SAMD9: variants seen among roughly 807,000 people sequenced by gnomAD.
The protein encoded by SAMD9 is sterile alpha motif domain-containing protein 9.
SAMD9 carries 3 observed loss-of-function variants against 1.5 expected under a neutral mutation model. That is an observed-to-expected ratio of 2.05 (90% CI 0.93 to 5.29). The LOEUF is 5.29. SAMD9 is among the 30% of genes most tolerant of loss of function. The pLI is 0.02. For missense variants in SAMD9, 1,597 were observed against 1,820.8 expected (o/e 0.88, Z 2.24); for synonymous variants, 635 against 631.9 (o/e 1.00, Z -0.07).
Position 93,104,784 on chromosome 7 carries a change from A to C in SAMD9, c.1314T>G (p.Ala438=). ...TAGACTCAGGATCAAACTCCAATACAGCAAACCATTTAATTTCCTTCAGGA... is the reference window on the plus strand; with the variant it reads ...TAGACTCAGGATCAAACTCCAATACCGCAAACCATTTAATTTCCTTCAGGA... The part of the protein sequence containing the change: ...LDFLKEIKWF[A]VLEFDPESNI... The change falls in exon 3 of 3, where the codon GCT becomes GCG. Residue 438 remains alanine (A), a synonymous_variant. Transcript: ENST00000379958. 6.2e-7 allele frequency: 1 copy of C among 1,613,752 alleles called. No individual in the cohort carries two copies. The highest frequency in any genetic ancestry group is 1.3e-5 in the African/African-American group (1 of 75,046).
At position 93,102,391 on chromosome 7, in the gene SAMD9, C is replaced by A. The variant is rs781751533; in HGVS notation, c.3707G>T (p.Ser1236Ile). ...ATTGTTTGGATCCCCTGGAATATCA[C>A]TACTTCCTGATACAAAATTGACCAT... ...RYMVNFVSGS[S>I]DIPGDPNNEY... The change falls in exon 3 of 3, where the codon AGT becomes ATT. Residue 1236 changes from serine to isoleucine, a missense_variant. By Grantham distance (142) the Ser-to-Ile change is moderately radical. Transcript: ENST00000379958. 2.6e-5 allele frequency: 42 copies of A among 1,609,688 alleles called. No homozygotes were observed. Among genetic ancestry groups the A allele is most frequent in the Non-Finnish European group, 2.7e-5 (32 of 1,176,302 alleles).
rs1791551431 is a variant in SAMD9 at position 93,102,522 on chromosome 7, G to C, written c.3576C>G (p.Tyr1192Ter). The change falls in exon 3 of 3, where the codon TAC becomes TAG. Residue 1192 changes from tyrosine (Y) to a stop codon, truncating the protein, a stop_gained. Coordinates refer to ENST00000379958, the MANE Select transcript of SAMD9 (RefSeq NM_017654.4). LOFTEE classifies it low-confidence loss of function (END_TRUNC). Reference protein sequence around the residue: ...YPKSKRRYDTYNIAGYQGEIE... With the variant: ...YPKSKRRYDT ...TCTCTCCTTGATAACCAGCTATATT[G>C]TAAGTATCATACCGCCTTTTTGACT... 1 of 1,613,648 alleles carries C rather than the reference G, an allele frequency of 6.2e-7. No individual in the cohort carries two copies. Among genetic ancestry groups the C allele is most frequent in the Non-Finnish European group, 8.5e-7 (1 of 1,179,658 alleles).
intron 2 of SAMD9, among the ~76,000 whole-genome samples, chr7:93,114,310 G>C (rs1039458675): frequency 8.3e-6 from 1 of 120,782 alleles, no homozygotes; most frequent in South Asian, 3.3e-4. Context: ...TGGGGTGGGG[G>C]AGGGGGGAGG....
chr7:93,110,205 C>A (rs1052620750), intron 2 of SAMD9, among the ~76,000 whole-genome samples: 1 of 152,126 alleles, frequency 6.6e-6, no homozygotes, highest in African/African-American at 2.4e-5. Context: ...TCCAGCCAAA[C>A]TAAGCTTCAT....
At position 93,104,651 on chromosome 7, in the gene SAMD9, G is replaced by A; in HGVS notation, c.1447C>T (p.Leu483=). ...CAGCTGGGTTGATGGTAAAGATTTAGAGTAGAAATCGTCTCATTTGGTGTG... is the reference window on the plus strand; with the variant it reads ...CAGCTGGGTTGATGGTAAAGATTTAAAGTAGAAATCGTCTCATTTGGTGTG... ...KTTPNETIST[L]NLYHQPSWIF... The change falls in exon 3 of 3, where the codon CTA becomes TTA. Residue 483 remains leucine (L), a synonymous_variant. Transcript: ENST00000379958. 2 of 1,614,068 alleles carry A rather than the reference G, an allele frequency of 1.2e-6. No homozygotes were observed. The highest frequency in any genetic ancestry group is 1.1e-5 in the South Asian group (1 of 91,084).
At chr7:93,112,768 G>A (rs1791767792) in intron 2 of SAMD9, among the ~76,000 whole-genome samples, 1 of 152,076 alleles carries the variant, frequency 6.6e-6, no homozygotes, top group Non-Finnish European at 1.5e-5. Context: ...ACCTCTTCAA[G>A]GAGAACTACA....
At position 93,102,300 on chromosome 7, in the gene SAMD9, C is replaced by T; in HGVS notation, c.3798G>A (p.Lys1266=). ...AGTATTCATCAAAAAAATCAAAGGA[C>T]TTTTTCAAAGAAAATTTCAATTTAG... The part of the protein sequence containing the change: ...YLTKLKFSLK[K]SFDFFDEYFV... The change falls in exon 3 of 3, where the codon AAG becomes AAA. Residue 1266 remains lysine (K), a synonymous_variant. Coordinates refer to ENST00000379958, the MANE Select transcript of SAMD9 (RefSeq NM_017654.4). The T allele has an allele frequency of 6.2e-7, 1 of 1,611,014 alleles. No individual in the cohort carries two copies. Among genetic ancestry groups the T allele is most frequent in the South Asian group, 1.1e-5 (1 of 90,842 alleles).
At chr7:93,114,085 G>A (rs890892434) in intron 2 of SAMD9, among the ~76,000 whole-genome samples, 1 of 152,140 alleles carries the variant, frequency 6.6e-6, no homozygotes, top group Non-Finnish European at 1.5e-5. Context: ...TTAAGAAAAT[G>A]TGGCACATAT....
At position 93,102,876 on chromosome 7, in the gene SAMD9, A is replaced by G; in HGVS notation, c.3222T>C (p.Ser1074=). 1.9e-6 allele frequency: 3 copies of G among 1,613,814 alleles called. No homozygotes were observed. Among genetic ancestry groups the G allele is most frequent in the Non-Finnish European group, 1.7e-6 (2 of 1,179,778 alleles). The change falls in exon 3 of 3, where the codon AGT becomes AGC. Residue 1074 remains serine (S), a synonymous_variant. Coordinates refer to ENST00000379958, the MANE Select transcript of SAMD9 (RefSeq NM_017654.4). ...ATGCATTTGGGTTGAACCGATGGATACTTTCAAGCAATACAGCTTCAACTG... is the reference window on the plus strand; with the variant it reads ...ATGCATTTGGGTTGAACCGATGGATGCTTTCAAGCAATACAGCTTCAACTG... ...NEAVEAVLLE[S]IHRFNPNAFI...
intron 2 of SAMD9, among the ~76,000 whole-genome samples, chr7:93,106,335 A>G (rs1387857868): frequency 6.6e-6 from 1 of 152,234 alleles, no homozygotes; most frequent in East Asian, 1.9e-4. Context: ...ATTGTGGCAT[A>G]CTATACATAA....
Position 93,106,065 on chromosome 7 carries a change from T to G in SAMD9, c.33A>C (p.Thr11=), listed in dbSNP as rs758001713. 6.3e-7 allele frequency: 1 copy of G among 1,592,040 alleles called. No individual in the cohort carries two copies. The highest frequency in any genetic ancestry group is 1.4e-5 in the African/African-American group (1 of 73,570). ...TTACATCCTCTTTTGTCCAATCATC[T>G]GTATTTTCTGGAAGGTTAAGTTGCT... The part of the protein sequence containing the change: MAKQLNLPEN[T]DDWTKEDVNQ... The change falls in exon 3 of 3, where the codon ACA becomes ACC. Residue 11 remains threonine, a synonymous_variant. Coordinates refer to ENST00000379958, the MANE Select transcript of SAMD9 (RefSeq NM_017654.4).
chr7:93,103,243 C>G lies in SAMD9; in HGVS notation c.2855G>C (p.Gly952Ala), dbSNP rs760472475. ...CATCTTGTCTTCAAATTTTTCTGTC[C>G]CCCAGAAAGCCTTCTTGTTTCCAAT... ...LGIGNKKAFWGTEKFEDKMGT... is the reference protein window; with the variant it reads ...LGIGNKKAFWATEKFEDKMGT... Residue 952 changes from glycine (G) to alanine (A), a missense_variant, in exon 3 of 3, where the codon GGG becomes GCG. By Grantham distance (60) the Gly-to-Ala change is moderately conservative. Around this residue, in one of 6 missense-constraint regions of SAMD9, gnomAD observed 682 missense variants for 810.0 expected, o/e 0.84. Transcript: ENST00000379958. 80 of 1,613,396 alleles carry G rather than the reference C, an allele frequency of 5.0e-5. 1 individual carries two copies. In the East Asian group the frequency reaches 1.8e-3, roughly 36 times the overall value.
Position 93,104,858 on chromosome 7 carries a change from T to C in SAMD9, c.1240A>G (p.Ile414Val), listed in dbSNP as rs1347566996. 6.2e-7 allele frequency: 1 copy of C among 1,613,660 alleles called. No homozygotes were observed. Among genetic ancestry groups the C allele is most frequent in the Non-Finnish European group, 8.5e-7 (1 of 1,179,784 alleles). Residue 414 changes from isoleucine to valine, a missense_variant, in exon 3 of 3, where the codon ATT becomes GTT. Ile to Val is a conservative substitution (Grantham distance 29). Coordinates refer to ENST00000379958, the MANE Select transcript of SAMD9 (RefSeq NM_017654.4). Reference protein sequence around the residue: ...LLDNSYYEQYILVTNKCHPDQ... With the variant: ...LLDNSYYEQYVLVTNKCHPDQ... ...GGGTGGCATTTATTTGTTACAAGAA[T>C]GTACTGTTCATAGTATGAATTATCT...
In SAMD9 at chr7:93,111,785, A is replaced by C. The variant is rs182016495; in HGVS notation, c.-9+3010T>G. Among the ~76,000 whole-genome samples the C allele has an allele frequency of 1.3e-4, 20 of 152,352 alleles. 1 individual carries two copies. The East Asian group carries it at 3.9e-3, about 29-fold the overall frequency. Reference sequence around the variant, plus strand: ...AGAAGTTGAATCCCTGAATAGACCAATAACAGGTTCTGAAATTGAGGCAAC... The same window carrying C: ...AGAAGTTGAATCCCTGAATAGACCACTAACAGGTTCTGAAATTGAGGCAAC... On this transcript the variant is annotated intron_variant, in intron 2 of 2. Transcript: ENST00000379958.
chr7:93,104,791 C>A lies in SAMD9; in HGVS notation c.1307G>T (p.Trp436Leu). The A allele has an allele frequency of 6.2e-7, 1 of 1,613,630 alleles. No individual in the cohort carries two copies. Among genetic ancestry groups the A allele is most frequent in the Non-Finnish European group, 8.5e-7 (1 of 1,179,838 alleles). The stretch of plus-strand genomic sequence containing the variant: ...AGGATCAAACTCCAATACAGCAAAC[C>A]ATTTAATTTCCTTCAGGAAATCTAA... The part of the protein sequence containing the change: ...KHLDFLKEIK[W>L]FAVLEFDPES... The change falls in exon 3 of 3, where the codon TGG becomes TTG. Residue 436 changes from tryptophan (W) to leucine (L), a missense_variant. Coordinates refer to ENST00000379958, the MANE Select transcript of SAMD9 (RefSeq NM_017654.4).
intron 1 of SAMD9, among the ~76,000 whole-genome samples, chr7:93,117,236 C>T (rs1055095300): frequency 6.6e-6 from 1 of 150,890 alleles, no homozygotes; most frequent in Non-Finnish European, 1.5e-5. Flanking sequence ...TTTTCATTGC[C>T]TGTTCTTTAT....
At chr7:93,109,411 T>A (rs995709190) in intron 2 of SAMD9, among the ~76,000 whole-genome samples, 5 of 152,180 alleles carry the variant, frequency 3.3e-5, no homozygotes, top group African/African-American at 1.2e-4. Context: ...TCCAAAGGAA[T>A]GCAACTCCTC....
At position 93,101,808 on chromosome 7, in the gene SAMD9, T is replaced by C. The variant is rs1215271859; in HGVS notation, c.4290A>G (p.Glu1430=). The change falls in exon 3 of 3, where the codon GAA becomes GAG. Residue 1430 remains glutamate, a synonymous_variant. Transcript: ENST00000379958. Reference sequence around the variant, plus strand: ...ATAAGAGGGAAGCTAGAAAATACGGTTCTGAAAACTGATAAGTCAGTCCTA... The same window carrying C: ...ATAAGAGGGAAGCTAGAAAATACGGCTCTGAAAACTGATAAGTCAGTCCTA... ...QPIGLTYQFS[E]PYFLASLLFW... 6.2e-7 allele frequency: 1 copy of C among 1,613,812 alleles called. No homozygotes were observed. Among genetic ancestry groups the C allele is most frequent in the Non-Finnish European group, 8.5e-7 (1 of 1,179,764 alleles).
rs760493464 is a variant in SAMD9 at position 93,104,852 on chromosome 7, C to A, written c.1246G>T (p.Val416Leu). 1.2e-6 allele frequency: 2 copies of A among 1,613,556 alleles called. No individual in the cohort carries two copies. Among genetic ancestry groups the A allele is most frequent in the East Asian group, 4.5e-5 (2 of 44,862 alleles). ...TGATCTGGGTGGCATTTATTTGTTA[C>A]AAGAATGTACTGTTCATAGTATGAA... ...DNSYYEQYIL[V>L]TNKCHPDQTK... The change falls in exon 3 of 3, where the codon GTA (valine) becomes TTA (leucine). Residue 416 changes from valine (V) to leucine (L), a missense_variant. Val to Leu is a conservative substitution (Grantham distance 32). Coordinates refer to ENST00000379958, the MANE Select transcript of SAMD9 (RefSeq NM_017654.4).
Sources: allele counts gnomAD v4.1 joint callset (sites outside exome capture counted in the v4.1 genomes callset), GRCh38; gene constraint gnomAD v4.1.1; regional missense constraint gnomAD v4.1.1; transcripts MANE v1.5; gene names NCBI Gene and HGNC (gene_info 2026-07-23, HGNC 2026-07-21).